SORBS2: variants seen among roughly 807,000 people sequenced by gnomAD.
SORBS2 encodes sorbin and SH3 domain-containing protein 2.
Under a neutral mutation model 97.7 loss-of-function variants are expected in SORBS2, and 46 were observed. The observed-to-expected ratio is 0.47, with a 90% CI of 0.37 to 0.60. SORBS2 has a LOEUF of 0.60. SORBS2 is among the 20% of genes least tolerant of loss of function. SORBS2 has a pLI of 0.00. For synonymous variants in SORBS2, 476 were observed against 473.4 expected (o/e 1.01, Z -0.07); for missense variants, 1,316 against 1,282.3 (o/e 1.03, Z -0.40).
chr4:185,751,429 C>T (rs116032176), intron 2 of SORBS2, among the ~76,000 whole-genome samples: 3,924 of 152,120 alleles, frequency 0.026, 82 homozygotes, highest in Middle Eastern at 0.054. Flanking sequence ...GTTTGGTGAT[C>T]ATCTTGGACA....
intron 2 of SORBS2, among the ~76,000 whole-genome samples, chr4:185,683,304 T>C (rs2097902002): frequency 1.3e-5 from 2 of 152,178 alleles, no homozygotes; most frequent in South Asian, 4.1e-4. Flanking sequence ...TGAAATTGCA[T>C]GTAGTTCAGT....
intron 1 of SORBS2, among the ~76,000 whole-genome samples, chr4:185,833,789 CA>C (rs2099206423): frequency 6.6e-6 from 1 of 151,958 alleles, no homozygotes; most frequent in African/African-American, 2.4e-5. Context: ...TCAGTTAATA[CA>C]AAAATGAAAA....
At chr4:185,600,438 G>A (rs28689640) in intron 12 of SORBS2, among the ~76,000 whole-genome samples, 10,790 of 152,144 alleles carry the variant, frequency 0.071, 917 homozygotes, top group African/African-American at 0.19. Context: ...TCCCGGGTTC[G>A]AGCGATTCTC....
chr4:185,677,733 CCTTTA>C, intron 4 of SORBS2: 1 of 1,018,696 alleles, frequency 9.8e-7, no homozygotes, highest in Non-Finnish European at 1.3e-6. Flanking sequence ...GTCAACCTTG[CCTTTA>C]CAGAAGTAAA....
chr4:185,636,722 C>T (rs2097012293), intron 4 of SORBS2, among the ~76,000 whole-genome samples: 1 of 150,812 alleles, frequency 6.6e-6, no homozygotes, highest in Non-Finnish European at 1.5e-5. Flanking sequence ...GATCCCAGCT[C>T]ACTGCAATCT....
chr4:185,883,182 T>C (rs181023934), intron 1 of SORBS2, among the ~76,000 whole-genome samples: 23 of 152,292 alleles, frequency 1.5e-4, no homozygotes, highest in Admixed American at 1.4e-3. Context: ...ATTTAAACCA[T>C]AAAAAGAACT....
intron 1 of SORBS2, among the ~76,000 whole-genome samples, chr4:185,870,140 T>C (rs1327632911): frequency 6.6e-6 from 1 of 152,240 alleles, no homozygotes; most frequent in Non-Finnish European, 1.5e-5. Flanking sequence ...GGCCATTGTA[T>C]GCTCTAAACT....
Position 185,640,802 on chromosome 4 carries a change from C to A in SORBS2, c.396+5866G>T, listed in dbSNP as rs2097112936. Reference sequence around the variant, plus strand: ...CAGGAGAGAGAATTTCCAGTAATTTCTCTTCTGTTTAGAGAGACATACTAT... The same window carrying A: ...CAGGAGAGAGAATTTCCAGTAATTTATCTTCTGTTTAGAGAGACATACTAT... On this transcript the variant is annotated intron_variant, in intron 4 of 14. Coordinates refer to ENST00000418609, the Ensembl canonical transcript of SORBS2. 2.0e-5 allele frequency among the ~76,000 whole-genome samples: 3 copies of A among 152,282 alleles called. No homozygotes were observed. The South Asian group carries it at 6.2e-4, about 32-fold the overall frequency.
intron 2 of SORBS2, among the ~76,000 whole-genome samples, chr4:185,694,111 A>G (rs2098136829): frequency 6.6e-6 from 1 of 152,222 alleles, no homozygotes; most frequent in African/African-American, 2.4e-5. Context: ...ATAAAAATGC[A>G]CGATTCTATT....
chr4:185,886,270 A>G (rs2099239407), intron 1 of SORBS2, among the ~76,000 whole-genome samples: 1 of 152,082 alleles, frequency 6.6e-6, no homozygotes, highest in African/African-American at 2.4e-5. Flanking sequence ...AAAAGTATAC[A>G]ATCCACCCAG....
intron 9 of SORBS2, 65 bp from the exon 22 acceptor site, chr4:185,615,224 C>T (rs2096609595): frequency 1.1e-6 from 1 of 920,714 alleles, no homozygotes; most frequent in Non-Finnish European, 1.8e-6. Context: ...GATCAACACC[C>T]TCGCTAGATC....
chr4:185,804,861 C>T (rs1309642779), intron 1 of SORBS2, among the ~76,000 whole-genome samples: 1 of 145,158 alleles, frequency 6.9e-6, no homozygotes, highest in Non-Finnish European at 1.5e-5. Flanking sequence ...GGTCTTGCAG[C>T]TTCTATGGTT....
chr4:185,707,880 G>A (rs2098368907), intron 2 of SORBS2, among the ~76,000 whole-genome samples: 1 of 152,104 alleles, frequency 6.6e-6, no homozygotes, highest in African/African-American at 2.4e-5. Context: ...CCTCCCACCG[G>A]ATCCCTCCCA....
chr4:185,868,226 G>A (rs761367035), intron 1 of SORBS2, among the ~76,000 whole-genome samples: 1 of 141,300 alleles, frequency 7.1e-6, no homozygotes, highest in South Asian at 2.2e-4. Context: ...GCACGATCTT[G>A]GCTCACTGCA....
intron 12 of SORBS2, among the ~76,000 whole-genome samples, chr4:185,608,184 G>A (rs1334070787): frequency 6.6e-6 from 1 of 152,216 alleles, no homozygotes; most frequent in Middle Eastern, 3.4e-3. Flanking sequence ...TCTTTTAAAC[G>A]CTGACAATTT....
chr4:185,676,543 T>C (rs1376414899), intron 4 of SORBS2, among the ~76,000 whole-genome samples: 1 of 152,238 alleles, frequency 6.6e-6, no homozygotes, highest in African/African-American at 2.4e-5. Context: ...TGCTTAAAAT[T>C]AAGATAACTA....
In SORBS2 at chr4:185,623,736, T is replaced by A; in HGVS notation, c.1393A>T (p.Ser465Cys). Reference sequence around the variant, plus strand: ...CGCCGGCCCCGAGCGGGGGGGCCGCTTTGATTTTCTTCCTCCAGCAAATAC... The same window carrying A: ...CGCCGGCCCCGAGCGGGGGGGCCGCATTGATTTTCTTCCTCCAGCAAATAC... The change falls in exon 7 of 15, where the codon AGC becomes TGC. Residue 465 changes from serine to cysteine, a missense_variant. Physicochemically the swap from Ser to Cys is moderately radical, Grantham distance 112. Transcript: ENST00000418609. The surrounding 1 kb of genome is among the most constrained non-coding windows in gnomAD (Gnocchi z 6.4). The A allele has an allele frequency of 6.2e-7, 1 of 1,612,404 alleles. No individual in the cohort carries two copies. Among genetic ancestry groups the A allele is most frequent in the Non-Finnish European group, 8.5e-7 (1 of 1,179,286 alleles).
chr4:185,800,997 C>T (rs2099127662), intron 1 of SORBS2, among the ~76,000 whole-genome samples: 2 of 152,172 alleles, frequency 1.3e-5, no homozygotes, highest in African/African-American at 4.8e-5. Flanking sequence ...ATCCTCAGAA[C>T]TTATTTGTCC....
intron 12 of SORBS2, among the ~76,000 whole-genome samples, chr4:185,601,210 T>C (rs753586331): frequency 1.3e-5 from 2 of 152,232 alleles, no homozygotes; most frequent in African/African-American, 2.4e-5. Flanking sequence ...AGACGATGCT[T>C]GATGCTCTCC....
Sources: allele counts gnomAD v4.1 joint callset (sites outside exome capture counted in the v4.1 genomes callset), GRCh38; gene constraint gnomAD v4.1.1; non-coding constraint Gnocchi (gnomAD v3.1); transcripts MANE v1.5; gene names NCBI Gene and HGNC (gene_info 2026-07-23, HGNC 2026-07-21).